STARD13: variants seen among roughly 807,000 people sequenced by gnomAD.
STARD13 encodes stAR-related lipid transfer protein 13.
In STARD13, 62 loss-of-function variants were observed where a neutral mutation model predicts 106.4. The observed-to-expected ratio is 0.58, with a 90% CI of 0.48 to 0.72. STARD13 has a LOEUF of 0.72. Ranked by LOEUF, STARD13 falls within the 30% of genes least tolerant of loss-of-function variation. STARD13 has a pLI of 0.00. For missense variants in STARD13, 1,387 were observed against 1,424.0 expected, an observed-to-expected ratio of 0.97 and a Z score of 0.42; for synonymous variants, 565 against 553.0, an observed-to-expected ratio of 1.02 and a Z score of -0.31.
the STARD13 span, among the ~76,000 whole-genome samples, chr13:33,637,927 A>G: frequency 6.6e-6 from 1 of 152,240 alleles, no homozygotes; most frequent in Non-Finnish European, 1.5e-5. Flanking sequence ...TAATTTTTGC[A>G]GAGTCAACTT....
the STARD13 span, among the ~76,000 whole-genome samples, chr13:33,636,136 T>C: frequency 1.7e-5 from 2 of 119,494 alleles, no homozygotes; most frequent in African/African-American, 3.5e-5. Flanking sequence ...CGAGACTCTG[T>C]CTCAAAAAAA....
rs7993148 is a variant in STARD13 at position 33,219,334 on chromosome 13, G to A, written c.170-51712C>T. Among the ~76,000 whole-genome samples the A allele has an allele frequency of 8.7e-3, 1,316 of 151,678 alleles. 21 individuals carry two copies. Among genetic ancestry groups the A allele is most frequent in the African/African-American group, 0.03 (1,255 of 41,322 alleles). Reference sequence around the variant, plus strand: ...TGCTCCTCTGCTTGACCATCTCAGCGCCTCCTTAGAGCTCCAGCTGACTCT... The same window carrying A: ...TGCTCCTCTGCTTGACCATCTCAGCACCTCCTTAGAGCTCCAGCTGACTCT... On this transcript the variant is annotated intron_variant, in intron 1 of 13. Transcript: ENST00000336934.
chr13:33,126,369 T>C (rs1877175229), intron 6 of STARD13, 129 bp from the exon 7 acceptor site: 2 of 864,170 alleles, frequency 2.3e-6, no homozygotes, highest in Non-Finnish European at 3.7e-6. Flanking sequence ...AATTCAACAT[T>C]CTCTCTGCAT....
the STARD13 span, among the ~76,000 whole-genome samples, chr13:33,664,390 TAGTACTTCTCACTTG>T: frequency 6.6e-6 from 1 of 152,254 alleles, no homozygotes; most frequent in African/African-American, 2.4e-5. Flanking sequence ...TCCGCATCAA[TAGTACTTCTCACTTG>T]AGGGTTTTCT....
chr13:33,372,858 T>G, the STARD13 span, among the ~76,000 whole-genome samples: 1 of 152,066 alleles, frequency 6.6e-6, no homozygotes, highest in African/African-American at 2.4e-5. Context: ...CTTACTATCC[T>G]TTTGTTTTTA....
the STARD13 span, among the ~76,000 whole-genome samples, chr13:33,438,401 C>T: frequency 2.0e-5 from 3 of 152,138 alleles, no homozygotes; most frequent in African/African-American, 7.2e-5. Context: ...TCATAATTTA[C>T]TATTTGGACA....
At chr13:33,400,516 T>C in the STARD13 span, among the ~76,000 whole-genome samples, 171 of 151,598 alleles carry the variant, frequency 1.1e-3, 3 homozygotes, top group Non-Finnish European at 6.2e-4. Flanking sequence ...GGCTGGAGTG[T>C]AGTGGCACAA....
At chr13:33,659,895 T>C in the STARD13 span, 2 of 152,224 alleles carry the variant, frequency 1.3e-5, no homozygotes, top group Admixed American at 6.5e-5. Context: ...TGGGAAACTA[T>C]GTCTACAACC....
intron 1 of STARD13, among the ~76,000 whole-genome samples, chr13:33,251,058 A>G (rs963402333): frequency 9.9e-5 from 15 of 152,208 alleles, no homozygotes; most frequent in African/African-American, 3.4e-4. Flanking sequence ...ACAAGATAAG[A>G]TCAAGGAACA....
At chr13:33,148,678 A>G (rs544650512) in intron 3 of STARD13, among the ~76,000 whole-genome samples, 1 of 152,362 alleles carries the variant, frequency 6.6e-6, no homozygotes, top group South Asian at 2.1e-4. Flanking sequence ...TCTTACTGCC[A>G]AATACACTTT....
chr13:33,371,118 A>G, the STARD13 span, among the ~76,000 whole-genome samples: 1 of 152,172 alleles, frequency 6.6e-6, no homozygotes, highest in Non-Finnish European at 1.5e-5. Flanking sequence ...TTCAATGTCA[A>G]TGCTTCTACC....
At chr13:33,400,710 G>T in the STARD13 span, among the ~76,000 whole-genome samples, 5 of 152,034 alleles carry the variant, frequency 3.3e-5, no homozygotes, top group African/African-American at 7.2e-5. Context: ...TGATCCGCCC[G>T]CCTTGGCCTC....
the STARD13 span, among the ~76,000 whole-genome samples, chr13:33,414,083 A>G: frequency 1.3e-5 from 2 of 151,982 alleles, no homozygotes; most frequent in African/African-American, 4.8e-5. Flanking sequence ...AAGATGCTCA[A>G]TAGCATTGTC....
At chr13:33,595,206 G>A in the STARD13 span, among the ~76,000 whole-genome samples, 1 of 152,136 alleles carries the variant, frequency 6.6e-6, no homozygotes, top group Non-Finnish European at 1.5e-5. Context: ...GCTTATTGGG[G>A]TTAAGAGAGA....
chr13:33,298,571 G>A (rs1892592133), intron 1 of STARD13, among the ~76,000 whole-genome samples: 1 of 151,742 alleles, frequency 6.6e-6, no homozygotes, highest in Non-Finnish European at 1.5e-5. Flanking sequence ...CTTCTTAGGG[G>A]CTCTCTTTCC....
chr13:33,660,489 G>C, the STARD13 span, among the ~76,000 whole-genome samples: 1 of 152,192 alleles, frequency 6.6e-6, no homozygotes, highest in Admixed American at 6.5e-5. Flanking sequence ...CATTGGTGAA[G>C]TACAGTTGTT....
chr13:33,272,106 T>C (rs1468547695), intron 1 of STARD13, among the ~76,000 whole-genome samples: 1 of 152,202 alleles, frequency 6.6e-6, no homozygotes, highest in Non-Finnish European at 1.5e-5. Context: ...AATAGTAATA[T>C]AGGTAGTGCT....
chr13:33,365,104 A>G, the STARD13 span, among the ~76,000 whole-genome samples: 8 of 152,114 alleles, frequency 5.3e-5, no homozygotes, highest in Non-Finnish European at 1.2e-4. Context: ...CACATGTGAG[A>G]TGACCACAAA....
At chr13:33,253,556 T>C (rs1890191112) in intron 1 of STARD13, among the ~76,000 whole-genome samples, 2 of 152,190 alleles carry the variant, frequency 1.3e-5, no homozygotes, top group Non-Finnish European at 1.5e-5. Flanking sequence ...TGTTGGGCTC[T>C]AGCTGCAGCA....
Sources: gnomAD v4.1 joint callset for allele counts (sites outside exome capture counted in the v4.1 genomes callset) on GRCh38, gnomAD v4.1.1 for gene constraint, MANE v1.5 for transcripts, NCBI Gene and HGNC (gene_info 2026-07-23, HGNC 2026-07-21) for gene names.